Variants in CLYBL observed in about 807,000 individuals in gnomAD.
CLYBL encodes citramalyl-CoA lyase.
A neutral mutation model predicts 38.9 loss-of-function variants in CLYBL; 31 were observed. The ratio of observed to expected loss-of-function variants is 0.80; its 90% CI spans 0.60 to 1.08. CLYBL has a LOEUF of 1.08. Among genes scored for constraint, CLYBL ranks in the 50% least tolerant of loss-of-function variants. The probability of loss-of-function intolerance (pLI) is 0.00; values close to 1 mark genes in which losing one functional copy is unlikely to be tolerated. For missense variants in CLYBL, 434 were observed against 411.6 expected (o/e 1.05, Z -0.47); for synonymous variants, 171 against 158.6 (o/e 1.08, Z -0.59).
intron 1 of CLYBL, among the ~76,000 whole-genome samples, chr13:99,721,039 C>CTTT (rs35480092): frequency 2.6e-4 from 37 of 141,292 alleles, no homozygotes; most frequent in African/African-American, 9.4e-4. Context: ...TTCCCTAATT[C>CTTT]TTTTTTTTTT....
At chr13:99,853,122 A>T (rs1355724221) in intron 2 of CLYBL, among the ~76,000 whole-genome samples, 1 of 152,120 alleles carries the variant, frequency 6.6e-6, no homozygotes, top group Non-Finnish European at 1.5e-5. Context: ...CATTGTTCTA[A>T]CATCTTTAAA....
intron 2 of CLYBL, among the ~76,000 whole-genome samples, chr13:99,810,451 G>T (rs2050318547): frequency 6.6e-6 from 1 of 152,182 alleles, no homozygotes; most frequent in African/African-American, 2.4e-5. Flanking sequence ...TGTGGGTGGA[G>T]GGGGAGGCAC....
At chr13:99,808,555 A>C (rs1414393427) in intron 2 of CLYBL, among the ~76,000 whole-genome samples, 1 of 152,212 alleles carries the variant, frequency 6.6e-6, no homozygotes, top group Admixed American at 6.5e-5. Flanking sequence ...TGTTAGATTG[A>C]GCTTTTGAAG....
chr13:99,736,875 C>T (rs1396631020), intron 1 of CLYBL, among the ~76,000 whole-genome samples: 1 of 152,148 alleles, frequency 6.6e-6, no homozygotes, highest in African/African-American at 2.4e-5. Flanking sequence ...ATTTTGTCCT[C>T]ATTTTCATAT....
intron 1 of CLYBL, among the ~76,000 whole-genome samples, chr13:99,718,846 AT>A (rs879384617): frequency 5.0e-4 from 74 of 147,516 alleles, no homozygotes; most frequent in Middle Eastern, 3.6e-3. Context: ...CCTGTTGAGA[AT>A]TTTTTTTTTT....
intron 1 of CLYBL, among the ~76,000 whole-genome samples, chr13:99,702,594 G>A (rs1439249803): frequency 2.7e-5 from 4 of 150,006 alleles, no homozygotes; most frequent in Non-Finnish European, 5.9e-5. Flanking sequence ...ATCACACCAT[G>A]GCACTCCAGC....
chr13:99,609,180 T>G (rs1325575186), intron 1 of CLYBL, among the ~76,000 whole-genome samples: 1 of 128,812 alleles, frequency 7.8e-6, no homozygotes, highest in South Asian at 2.8e-4. Context: ...TTTTTTTTTT[T>G]TTTTTTTTTT....
chr13:99,655,772 T>C (rs914669866), intron 1 of CLYBL, among the ~76,000 whole-genome samples: 2 of 152,224 alleles, frequency 1.3e-5, no homozygotes, highest in Non-Finnish European at 2.9e-5. Context: ...CCTGACATCA[T>C]GAACACTAGC....
At chr13:99,688,637 T>G (rs2047854012) in intron 1 of CLYBL, among the ~76,000 whole-genome samples, 1 of 151,916 alleles carries the variant, frequency 6.6e-6, no homozygotes. Context: ...CATTACTCTT[T>G]AAGAATAACA....
chr13:99,750,653 G>C (rs2048938016), intron 1 of CLYBL, among the ~76,000 whole-genome samples: 1 of 146,712 alleles, frequency 6.8e-6, no homozygotes, highest in African/African-American at 2.6e-5. Context: ...CAGCCTGGGT[G>C]AAAGAAGGAG....
At chr13:99,684,013 C>T (rs113455067) in intron 1 of CLYBL, among the ~76,000 whole-genome samples, 9,296 of 144,178 alleles carry the variant, frequency 0.064, 1,031 homozygotes, top group African/African-American at 0.23. Flanking sequence ...GGATTACAGG[C>T]GCATGCCACC....
chr13:99,701,148 CTG>C (rs2048059033), intron 1 of CLYBL, among the ~76,000 whole-genome samples: 1 of 152,172 alleles, frequency 6.6e-6, no homozygotes, highest in South Asian at 2.1e-4. Flanking sequence ...TAAATAATCT[CTG>C]TGACCAAAAG....
intron 2 of CLYBL, among the ~76,000 whole-genome samples, chr13:99,838,855 G>A (rs2051000053): frequency 6.6e-6 from 1 of 152,094 alleles, no homozygotes. Context: ...TAGCCAGTAT[G>A]GTCTCAATCT....
Position 99,859,021 on chromosome 13 carries a change from A to C in CLYBL, c.410A>C (p.Lys137Thr). 6.2e-7 allele frequency: 1 copy of C among 1,613,814 alleles called. No homozygotes were observed. Among genetic ancestry groups the C allele is most frequent in the Non-Finnish European group, 8.5e-7 (1 of 1,179,904 alleles). The change falls in exon 3 of 9, where the codon AAG becomes ACG. Residue 137 changes from lysine (K) to threonine (T), a missense_variant. Coordinates refer to ENST00000339105, the MANE Select transcript of CLYBL (RefSeq NM_206808.5). Reference protein sequence around the residue: ...RVLPSSLMLPKVESPEEIQWF... With the variant: ...RVLPSSLMLPTVESPEEIQWF... Reference sequence around the variant, plus strand: ...CTTCCTTCCAGCCTGATGCTACCAAAGGTGGAAAGTCCTGAAGAAATCCAG... The same window carrying C: ...CTTCCTTCCAGCCTGATGCTACCAACGGTGGAAAGTCCTGAAGAAATCCAG...
chr13:99,671,212 C>A (rs894457986), intron 1 of CLYBL, among the ~76,000 whole-genome samples: 21 of 152,184 alleles, frequency 1.4e-4, no homozygotes, highest in Non-Finnish European at 1.3e-4. Flanking sequence ...ATCCTCAACC[C>A]CCTGCCATGA....
intron 1 of CLYBL, among the ~76,000 whole-genome samples, chr13:99,670,433 G>A (rs2806283): frequency 0.87 from 133,183 of 152,220 alleles, 58,390 homozygotes; most frequent in Non-Finnish European, 0.9. Flanking sequence ...GGAATTTCCC[G>A]TGGCAGTTTC....
chr13:99,653,447 C>G (rs1459072345), intron 1 of CLYBL, among the ~76,000 whole-genome samples: 3 of 152,146 alleles, frequency 2.0e-5, no homozygotes, highest in African/African-American at 7.2e-5. Flanking sequence ...TTCCTAGCAA[C>G]TCACCTGTAA....
chr13:99,853,283 C>G (rs2051376007), intron 2 of CLYBL, among the ~76,000 whole-genome samples: 1 of 152,008 alleles, frequency 6.6e-6, no homozygotes, highest in Non-Finnish European at 1.5e-5. Flanking sequence ...AGCTACCCAT[C>G]TATACACATC....
chr13:99,622,160 CT>C (rs2046808201), intron 1 of CLYBL, among the ~76,000 whole-genome samples: 2 of 152,252 alleles, frequency 1.3e-5, no homozygotes, highest in Non-Finnish European at 2.9e-5. Context: ...TAGAAGCACC[CT>C]TGTGATTACG....
Sources: gnomAD v4.1 joint callset for allele counts (sites outside exome capture counted in the v4.1 genomes callset) on GRCh38, gnomAD v4.1.1 for gene constraint, MANE v1.5 for transcripts, NCBI Gene and HGNC (gene_info 2026-07-23, HGNC 2026-07-21) for gene names.